Variants in EXOC4 observed in about 807,000 individuals in gnomAD.
EXOC4 encodes exocyst complex component 4.
Under a neutral mutation model 107.2 loss-of-function variants are expected in EXOC4, and 71 were observed. That is an observed-to-expected ratio of 0.66 (90% confidence interval 0.55 to 0.81). EXOC4 has a LOEUF of 0.81. Ranked by LOEUF, EXOC4 falls within the 30% of genes least tolerant of loss-of-function variation. The pLI is 0.00. For missense variants in EXOC4, 1,108 were observed against 1,189.6 expected (o/e 0.93, Z 1.01); for synonymous variants, 456 against 441.2 (o/e 1.03, Z -0.42).
chr7:133,983,765 C>G (rs1287684052), intron 14 of EXOC4, among the ~76,000 whole-genome samples: 2 of 152,134 alleles, frequency 1.3e-5, no homozygotes, highest in Non-Finnish European at 2.9e-5. Flanking sequence ...TTTAGATGCT[C>G]TTTGATGCAG....
intron 7 of EXOC4, among the ~76,000 whole-genome samples, chr7:133,377,194 A>G (rs1796508987): frequency 6.6e-6 from 1 of 152,136 alleles, no homozygotes; most frequent in Admixed American, 6.5e-5. Flanking sequence ...TCTACTAAAA[A>G]TACAAAAAAA....
intron 10 of EXOC4, among the ~76,000 whole-genome samples, chr7:133,718,019 A>G (rs1562922395): frequency 1.3e-5 from 2 of 152,172 alleles, no homozygotes; most frequent in African/African-American, 4.8e-5. Context: ...AGGCACTGTC[A>G]TATAGGTGGT....
intron 10 of EXOC4, among the ~76,000 whole-genome samples, chr7:133,726,846 G>T (rs2151112567): frequency 6.6e-6 from 1 of 152,324 alleles, no homozygotes; most frequent in East Asian, 1.9e-4. Flanking sequence ...GGATCCCTGT[G>T]AGCAGGTGCA....
chr7:133,973,288 G>A (rs1455655638), intron 14 of EXOC4, among the ~76,000 whole-genome samples: 1 of 152,186 alleles, frequency 6.6e-6, no homozygotes, highest in East Asian at 1.9e-4. Flanking sequence ...TAAGGGGAAT[G>A]TAAGTATCAA....
chr7:134,004,857 G>T, intron 15 of EXOC4, 55 bp from the exon 16 acceptor site: 2 of 1,459,870 alleles, frequency 1.4e-6, no homozygotes, highest in Non-Finnish European at 1.9e-6. Flanking sequence ...CAAGATCATT[G>T]CCCTCCCTGG....
At chr7:133,640,977 G>A (rs1372131091) in intron 10 of EXOC4, among the ~76,000 whole-genome samples, 5 of 151,948 alleles carry the variant, frequency 3.3e-5, no homozygotes, top group South Asian at 2.1e-4. Context: ...GGGCTCAAGC[G>A]ATCCTCCCAC....
chr7:134,092,108 T>C, the EXOC4 span, among the ~76,000 whole-genome samples: 313 of 152,318 alleles, frequency 2.1e-3, 1 homozygote, highest in African/African-American at 7.1e-3. Flanking sequence ...TTAACTACAT[T>C]ACATTATTTT....
intron 13 of EXOC4, among the ~76,000 whole-genome samples, chr7:133,937,063 T>C (rs1272846196): frequency 6.6e-6 from 1 of 152,194 alleles, no homozygotes; most frequent in African/African-American, 2.4e-5. Flanking sequence ...ATGTGTCATG[T>C]AGGCAGAACA....
intron 3 of EXOC4, among the ~76,000 whole-genome samples, chr7:133,303,462 G>T (rs1306898727): frequency 6.6e-6 from 1 of 152,032 alleles, no homozygotes; most frequent in Non-Finnish European, 1.5e-5. Context: ...TAAATGTTAG[G>T]TTTCTAAACA....
intron 10 of EXOC4, among the ~76,000 whole-genome samples, chr7:133,796,479 G>A (rs1252942355): frequency 3.3e-5 from 5 of 152,276 alleles, no homozygotes; most frequent in African/African-American, 4.8e-5. Flanking sequence ...TATTTTGGCC[G>A]GGCGCGGTGG....
chr7:134,016,390 G>A (rs1794909076), intron 17 of EXOC4, among the ~76,000 whole-genome samples: 1 of 152,114 alleles, frequency 6.6e-6, no homozygotes, highest in African/African-American at 2.4e-5. Flanking sequence ...AAGAAGATAG[G>A]GAAGGAATGG....
chr7:133,495,434 T>C (rs1022712343), intron 9 of EXOC4, among the ~76,000 whole-genome samples: 3 of 152,180 alleles, frequency 2.0e-5, no homozygotes, highest in Admixed American at 1.3e-4. Context: ...TGTGCACTCA[T>C]CTTAAATGTA....
At chr7:133,534,659 A>ATC (rs1281923886) in intron 9 of EXOC4, among the ~76,000 whole-genome samples, 2 of 152,332 alleles carry the variant, frequency 1.3e-5, no homozygotes, top group South Asian at 2.1e-4. Flanking sequence ...ACACATACAT[A>ATC]GTAGTGTTAC....
rs574754327 is a variant in EXOC4, at chr7:133,372,462, G to T, written c.1008-2366G>T. 1.1e-4 allele frequency among the ~76,000 whole-genome samples: 17 copies of T among 152,300 alleles called. No individual in the cohort carries two copies. The South Asian group carries it at 3.3e-3, about 30-fold the overall frequency. On this transcript the variant is annotated intron_variant, in intron 6 of 17. Transcript: ENST00000253861. The stretch of plus-strand genomic sequence containing the variant: ...CAGGAGTGGCAGAAACTGGAACTGT[G>T]TCAGCATTTTATTAAGAGATTGCTA...
At chr7:134,025,095 C>G (rs1164354902) in intron 17 of EXOC4, among the ~76,000 whole-genome samples, 1 of 152,164 alleles carries the variant, frequency 6.6e-6, no homozygotes, top group African/African-American at 2.4e-5. Flanking sequence ...TTGCCCAGTA[C>G]CCTTTCAATA....
intron 9 of EXOC4, among the ~76,000 whole-genome samples, chr7:133,580,917 G>A (rs1394570581): frequency 6.6e-6 from 1 of 152,160 alleles, no homozygotes; most frequent in Non-Finnish European, 1.5e-5. Context: ...TTCAATATAG[G>A]TATGATACAT....
At chr7:133,762,616 C>T (rs1796055632) in intron 10 of EXOC4, among the ~76,000 whole-genome samples, 1 of 151,930 alleles carries the variant, frequency 6.6e-6, no homozygotes, top group South Asian at 2.1e-4. Flanking sequence ...TTGTTTATAA[C>T]AGCAGAAAAT....
At chr7:133,678,627 T>A (rs1222101483) in intron 10 of EXOC4, among the ~76,000 whole-genome samples, 1 of 152,004 alleles carries the variant, frequency 6.6e-6, no homozygotes, top group Non-Finnish European at 1.5e-5. Flanking sequence ...TTCTTCTTTG[T>A]TGAGACAGGT....
At chr7:133,711,596 C>G (rs138973734) in intron 10 of EXOC4, among the ~76,000 whole-genome samples, 191 of 152,282 alleles carry the variant, frequency 1.3e-3, no homozygotes, top group African/African-American at 4.3e-3. Flanking sequence ...TACTCAGTGC[C>G]ATTATCATAG....
Sources: gnomAD v4.1 joint callset for allele counts (sites outside exome capture counted in the v4.1 genomes callset) on GRCh38, gnomAD v4.1.1 for gene constraint, MANE v1.5 for transcripts, NCBI Gene and HGNC (gene_info 2026-07-23, HGNC 2026-07-21) for gene names.